The following STOM variants were observed in gnomAD, a reference collection of about 807,000 sequenced individuals.
The protein encoded by STOM is stomatin, also known as erythrocyte band 7 integral membrane protein.
In STOM, 25 loss-of-function variants were observed where a neutral mutation model predicts 30.6. The ratio of observed to expected loss-of-function variants is 0.82; its 90% CI spans 0.60 to 1.14. The LOEUF is 1.14. STOM is among the 50% of genes most tolerant of loss of function. STOM has a pLI of 0.00. For missense variants in STOM, 292 were observed against 365.2 expected, an observed-to-expected ratio of 0.80 and a Z score of 1.63; for synonymous variants, 118 against 130.8, an observed-to-expected ratio of 0.90 and a Z score of 0.67.
chr9:121,339,432 A>G lies in STOM; in HGVS notation c.*1770T>C, dbSNP rs775737346. The G allele has an allele frequency of 1.7e-5, 14 of 810,132 alleles. No homozygotes were observed. The highest frequency in any genetic ancestry group is 2.3e-5 in the Non-Finnish European group (14 of 608,248). 50.2% of individuals were successfully genotyped at this position (810,132 alleles called of 1,614,324 possible). A position where few individuals can be genotyped will look rare whatever the true frequency, so the allele number is the denominator to read the frequency against. ...ACTTGAGTTTAAGTTGCACTGCTCC[A>G]TACCTCTAATAAACTCAGCTAGGAG... On this transcript the variant is annotated 3_prime_UTR_variant, in exon 7 of 7. Transcript: ENST00000286713.
rs1200448046 is a variant in STOM, at chr9:121,369,903, C to A, written c.61+224G>T. On this transcript the variant is annotated intron_variant, in intron 1 of 6. Transcript: ENST00000286713. ...GGCCGCGAGATAACCAGGGCCCGTG[C>A]GATGGGAAACGTGCCGTTGGCAGCC... 65 of 502,572 alleles carry A rather than the reference C, an allele frequency of 1.3e-4. No homozygotes were observed. In the Admixed American group the frequency reaches 2.0e-3, roughly 15 times the overall value. 31.1% of individuals were successfully genotyped at this position (502,572 alleles called of 1,614,324 possible).
rs1253337707 is a variant in STOM at position 121,366,019 on chromosome 9, C to G, written c.61+4108G>C. On this transcript the variant is annotated intron_variant, in intron 1 of 6. Transcript: ENST00000286713. ...AGAGTTCTAAATGTTCTTGGACCAT[C>G]CTTCATACAAATCTCTTAAGTGATG... 4.3e-6 allele frequency: 3 copies of G among 691,726 alleles called. No individual in the cohort carries two copies. The African/African-American group carries it at 5.8e-5, about 13-fold the overall frequency. 42.8% of individuals were successfully genotyped at this position (691,726 alleles called of 1,614,324 possible). A position where few individuals can be genotyped will look rare whatever the true frequency, so the allele number is the denominator to read the frequency against.
intron 1 of STOM, among the ~76,000 whole-genome samples, chr9:121,361,779 C>G (rs570038395): frequency 5.3e-5 from 8 of 152,312 alleles, no homozygotes; most frequent in African/African-American, 1.9e-4. Context: ...TAGTTTAGAG[C>G]AATGGTCCCC....
At chr9:121,369,163 A>C (rs1289355016) in intron 1 of STOM, among the ~76,000 whole-genome samples, 2 of 152,206 alleles carry the variant, frequency 1.3e-5, no homozygotes, top group Non-Finnish European at 2.9e-5. Context: ...TGGAACTTAT[A>C]GCTAAGATGC....
chr9:121,353,290 A>AT lies in STOM; in HGVS notation c.250dup (p.Ile84AsnfsTer6). 6.2e-7 allele frequency: 1 copy of AT among 1,608,398 alleles called. No homozygotes were observed. The highest frequency in any genetic ancestry group is 1.1e-5 in the South Asian group (1 of 90,236). ...GATGAAGCTGTCAGTGCATGGCAGA[A>AT]TAAAAAACAAACCTGCAACAAAGAT... On this transcript the variant is annotated frameshift_variant, in exon 4 of 7. Transcript: ENST00000286713. LOFTEE classifies it high-confidence loss of function.
chr9:121,370,213 C>G lies in STOM; in HGVS notation c.-26G>C. The G allele has an allele frequency of 6.5e-7, 1 of 1,543,880 alleles. No individual in the cohort carries two copies. The highest frequency in any genetic ancestry group is 8.7e-7 in the Non-Finnish European group (1 of 1,144,064). Reference sequence around the variant, plus strand: ...GCTGCCCGAGACGCAGTCGCACTCCCCCGTCCTCGTTGCCAAACCCGGAGC... The same window carrying G: ...GCTGCCCGAGACGCAGTCGCACTCCGCCGTCCTCGTTGCCAAACCCGGAGC... On this transcript the variant is annotated 5_prime_UTR_variant, in exon 1 of 7. Coordinates refer to ENST00000286713, the MANE Select transcript of STOM (RefSeq NM_004099.6).
chr9:121,348,821 A>G (rs1185882810), intron 5 of STOM, among the ~76,000 whole-genome samples: 1 of 152,244 alleles, frequency 6.6e-6, no homozygotes, highest in African/African-American at 2.4e-5. Flanking sequence ...AAGCTTTAGG[A>G]ATACCTACAC....
intron 1 of STOM, chr9:121,366,261 C>A (rs1386452170): frequency 1.3e-5 from 13 of 985,096 alleles, no homozygotes; most frequent in Non-Finnish European, 1.4e-5. Context: ...GTAGTCCCAG[C>A]AGACAGAGAA....
chr9:121,360,485 C>T (rs891213454), intron 1 of STOM, among the ~76,000 whole-genome samples: 9 of 152,080 alleles, frequency 5.9e-5, no homozygotes, highest in African/African-American at 2.2e-4. Flanking sequence ...CCTTAGTTTC[C>T]TTACCGGTGG....
At chr9:121,365,484 T>A (rs910209942) in intron 1 of STOM, among the ~76,000 whole-genome samples, 1 of 151,660 alleles carries the variant, frequency 6.6e-6, no homozygotes, top group Non-Finnish European at 1.5e-5. Flanking sequence ...TAGGTTTTTT[T>A]TTTTTTTCCC....
In STOM at chr9:121,339,295, C is replaced by CT. The variant is rs1264241910; in HGVS notation, c.*1906dup. On this transcript the variant is annotated 3_prime_UTR_variant, in exon 7 of 7. Transcript: ENST00000286713. ...TCAAGGAACCAAAAGCACTGTTACT[C>CT]TAAGTCTCAGAAAAGGTTTTCAGTC... 1.1e-5 allele frequency: 2 copies of CT among 187,510 alleles called. No individual in the cohort carries two copies. Among genetic ancestry groups the CT allele is most frequent in the African/African-American group, 2.3e-5 (1 of 42,788 alleles). The allele number at this position is 187,510 out of a possible 1,614,324, so 11.6% of individuals were successfully genotyped here.
At chr9:121,369,288 C>T (rs2064537654) in intron 1 of STOM, among the ~76,000 whole-genome samples, 1 of 152,168 alleles carries the variant, frequency 6.6e-6, no homozygotes, top group South Asian at 2.1e-4. Context: ...TGCCATCCTG[C>T]CTGAAATTCC....
Position 121,368,955 on chromosome 9 carries a change from C to T in STOM, c.61+1172G>A, listed in dbSNP as rs543891289. On this transcript the variant is annotated intron_variant, in intron 1 of 6. Coordinates refer to ENST00000286713, the MANE Select transcript of STOM (RefSeq NM_004099.6). ...CTCAAAAAAAAAAAAAAAAGTGATA[C>T]GGAGCCTGACCTATTTAGTTTCAAT... is the stretch of plus-strand genomic sequence containing the variant. Among the ~76,000 whole-genome samples, 3 of 150,522 alleles carry T rather than the reference C, an allele frequency of 2.0e-5. No homozygotes were observed. The East Asian group carries it at 5.8e-4, about 29-fold the overall frequency.
At chr9:121,352,175 G>A (rs978763696) in intron 4 of STOM, among the ~76,000 whole-genome samples, 2 of 152,064 alleles carry the variant, frequency 1.3e-5, no homozygotes, top group African/African-American at 4.8e-5. Flanking sequence ...CACAATATTT[G>A]CATATAACTT....
intron 6 of STOM, 32 bp downstream of exon 6, chr9:121,347,983 A>G (rs758384982): frequency 6.3e-7 from 1 of 1,577,842 alleles, no homozygotes; most frequent in South Asian, 1.2e-5. Context: ...GAGAAAACTC[A>G]GTAAGAAAAA....
At chr9:121,357,160 C>A (rs1379734796) in intron 1 of STOM, among the ~76,000 whole-genome samples, 5 of 152,074 alleles carry the variant, frequency 3.3e-5, no homozygotes, top group East Asian at 1.9e-4. Context: ...TCATTTATTG[C>A]CCACTTCCTG....
chr9:121,347,316 AT>A (rs1194495733), intron 6 of STOM, among the ~76,000 whole-genome samples: 2 of 152,212 alleles, frequency 1.3e-5, no homozygotes, highest in African/African-American at 4.8e-5. Flanking sequence ...TTTACACATT[AT>A]CATCTTTAAA....
At chr9:121,353,954 C>G (rs112795846) in intron 3 of STOM, among the ~76,000 whole-genome samples, 16 of 152,318 alleles carry the variant, frequency 1.1e-4, no homozygotes, top group African/African-American at 3.1e-4. Context: ...TCTCACAGCT[C>G]TCTGTGAGTA....
chr9:121,348,420 T>TA (rs2064308821), intron 5 of STOM, among the ~76,000 whole-genome samples: 1 of 152,238 alleles, frequency 6.6e-6, no homozygotes, highest in Non-Finnish European at 1.5e-5. Flanking sequence ...TTAACCCAGC[T>TA]GTTGTAGTCA....
Sources: gnomAD v4.1 joint callset for allele counts (sites outside exome capture counted in the v4.1 genomes callset) on GRCh38, gnomAD v4.1.1 for gene constraint, MANE v1.5 for transcripts, NCBI Gene and HGNC (gene_info 2026-07-23, HGNC 2026-07-21) for gene names.